FBXL13: variants seen among roughly 807,000 people sequenced by gnomAD.
FBXL13 encodes the protein F-box and leucine rich repeat protein 13, also known as F-box and leucine-rich repeat protein 13.
FBXL13 carries 67 observed loss-of-function variants against 83.6 expected under a neutral mutation model. The ratio of observed to expected loss-of-function variants is 0.80; its 90% confidence interval spans 0.66 to 0.98. FBXL13 has a LOEUF of 0.98. Ranked by LOEUF, FBXL13 falls within the 50% of genes least tolerant of loss-of-function variation. FBXL13 has a pLI of 0.00. For missense variants in FBXL13, 822 were observed against 866.5 expected, an observed-to-expected ratio of 0.95 and a Z score of 0.64; for synonymous variants, 272 against 299.5, an observed-to-expected ratio of 0.91 and a Z score of 0.95.
intron 17 of FBXL13, chr7:102,834,498 T>C (rs1394481360): frequency 6.7e-6 from 1 of 148,914 alleles, no homozygotes; most frequent in Admixed American, 6.8e-5. Flanking sequence ...TAGCACAAAA[T>C]AGATTCTCTA....
At chr7:102,876,413 C>T (rs997799310) in intron 16 of FBXL13, among the ~76,000 whole-genome samples, 1 of 152,134 alleles carries the variant, frequency 6.6e-6, no homozygotes, top group African/African-American at 2.4e-5. Flanking sequence ...TCTCACATCA[C>T]TCATGGACGA....
At chr7:102,900,104 C>T (rs1812779787) in intron 11 of FBXL13, among the ~76,000 whole-genome samples, 1 of 152,044 alleles carries the variant, frequency 6.6e-6, no homozygotes, top group South Asian at 2.1e-4. Flanking sequence ...ACTTCTAAAA[C>T]ATATGTAATT....
chr7:102,939,507 C>T (rs1159359431), intron 8 of FBXL13: 19 of 1,613,736 alleles, frequency 1.2e-5, no homozygotes, highest in Non-Finnish European at 1.4e-5. Flanking sequence ...CAACCAACTT[C>T]GACCCAAGGA....
intron 6 of FBXL13, chr7:102,978,647 T>C: frequency 4.3e-6 from 1 of 230,096 alleles, no homozygotes; most frequent in Non-Finnish European, 8.8e-6. Flanking sequence ...CAGGTACTCA[T>C]TAAAACAGCG....
intron 1 of FBXL13, among the ~76,000 whole-genome samples, chr7:103,069,663 G>A (rs912088368): frequency 2.0e-5 from 3 of 152,296 alleles, no homozygotes; most frequent in Middle Eastern, 6.8e-3. Flanking sequence ...TCCCTTCCTG[G>A]ACTGAGGTCA....
downstream of FBXL13, among the ~76,000 whole-genome samples, chr7:102,813,049 G>C (rs952058798): frequency 1.3e-5 from 2 of 152,006 alleles, no homozygotes; most frequent in African/African-American, 4.8e-5. Flanking sequence ...CACCATGTTG[G>C]CCAGGCTGGT....
At chr7:102,999,095 T>C (rs991171109) in intron 6 of FBXL13, among the ~76,000 whole-genome samples, 13 of 152,148 alleles carry the variant, frequency 8.5e-5, no homozygotes, top group African/African-American at 2.7e-4. Context: ...TTGTTCCTTC[T>C]ATACCCAAAT....
chr7:103,023,084 G>A (rs1427367216), intron 6 of FBXL13, among the ~76,000 whole-genome samples: 1 of 152,108 alleles, frequency 6.6e-6, no homozygotes, highest in Non-Finnish European at 1.5e-5. Flanking sequence ...AGACCATCCT[G>A]GCTAACACGG....
chr7:102,915,473 G>C (rs6968036), intron 10 of FBXL13, among the ~76,000 whole-genome samples: 22,806 of 91,334 alleles, frequency 0.25, 1,524 homozygotes, highest in Middle Eastern at 0.35. Context: ...AGAGTTTGAA[G>C]GATTTCACAT....
intron 6 of FBXL13, among the ~76,000 whole-genome samples, chr7:102,969,460 G>A (rs541177750): frequency 2.0e-5 from 3 of 151,864 alleles, no homozygotes; most frequent in African/African-American, 7.2e-5. Flanking sequence ...ATTAAGCAAT[G>A]CGTGACTGTA....
At chr7:103,019,651 G>C (rs2129487499) in intron 6 of FBXL13, among the ~76,000 whole-genome samples, 1 of 152,290 alleles carries the variant, frequency 6.6e-6, no homozygotes. Flanking sequence ...TATCACCACT[G>C]ATCCCACAGA....
At chr7:103,032,120 T>C (rs1399246943) in intron 2 of FBXL13, among the ~76,000 whole-genome samples, 2 of 152,166 alleles carry the variant, frequency 1.3e-5, no homozygotes, top group South Asian at 2.1e-4. Flanking sequence ...AAGTGAAATA[T>C]AAAACTGATT....
At chr7:103,043,483 C>A (rs1795955808) in intron 2 of FBXL13, among the ~76,000 whole-genome samples, 1 of 152,034 alleles carries the variant, frequency 6.6e-6, no homozygotes, top group Non-Finnish European at 1.5e-5. Context: ...GGGTATATAC[C>A]CAAAGGATTA....
chr7:102,905,895 A>G (rs1813673084), intron 11 of FBXL13, among the ~76,000 whole-genome samples: 1 of 152,172 alleles, frequency 6.6e-6, no homozygotes, highest in East Asian at 1.9e-4. Flanking sequence ...AAACATACAA[A>G]AACTAATAAA....
chr7:102,939,457 C>T (rs1353632788), intron 8 of FBXL13: 1 of 1,612,538 alleles, frequency 6.2e-7, no homozygotes, highest in South Asian at 1.1e-5. Flanking sequence ...AACAACATCC[C>T]TCCAGATATT....
chr7:102,931,046 C>A (rs1819078675), intron 9 of FBXL13, among the ~76,000 whole-genome samples: 1 of 152,158 alleles, frequency 6.6e-6, no homozygotes, highest in Non-Finnish European at 1.5e-5. Flanking sequence ...CCTAGAGGAG[C>A]AGCAGTGAAC....
intron 6 of FBXL13, among the ~76,000 whole-genome samples, chr7:103,015,553 T>C (rs1792189747): frequency 6.6e-6 from 1 of 152,034 alleles, no homozygotes; most frequent in Non-Finnish European, 1.5e-5. Flanking sequence ...ATCCCAGCAC[T>C]TTGGGAGGCT....
chr7:102,916,857 T>C (rs974647207), intron 10 of FBXL13, among the ~76,000 whole-genome samples: 3 of 152,166 alleles, frequency 2.0e-5, no homozygotes, highest in African/African-American at 7.2e-5. Flanking sequence ...CTATAATCTT[T>C]AGAGAAATTA....
chr7:103,008,296 AT>A (rs1349207350), intron 6 of FBXL13, among the ~76,000 whole-genome samples: 1 of 152,192 alleles, frequency 6.6e-6, no homozygotes, highest in Non-Finnish European at 1.5e-5. Flanking sequence ...ACGACAACCA[AT>A]TGCAACATAT....
Sources: gnomAD v4.1 joint callset for allele counts (sites outside exome capture counted in the v4.1 genomes callset) on GRCh38, gnomAD v4.1.1 for gene constraint, MANE v1.5 for transcripts, NCBI Gene and HGNC (gene_info 2026-07-23, HGNC 2026-07-21) for gene names.